Variants in PDHA1 observed in about 807,000 individuals in gnomAD.
PDHA1 encodes pyruvate dehydrogenase E1 component subunit alpha, somatic form, mitochondrial.
PDHA1 carries 1 observed loss-of-function variant against 33.0 expected under a neutral mutation model. That is an observed-to-expected ratio of 0.03 (90% CI 0.01 to 0.14). The LOEUF is 0.14. Ranked by LOEUF, PDHA1 falls within the 10% of genes least tolerant of loss-of-function variation. The pLI is 1.00. For synonymous variants in PDHA1, 123 were observed against 119.2 expected, an observed-to-expected ratio of 1.03 and a Z score of -0.21; for missense variants, 168 against 325.1, an observed-to-expected ratio of 0.52 and a Z score of 3.72.
chrX:19,357,835 C>T (rs2063214383), intron 9 of PDHA1, 116 bp downstream of exon 9: 9 of 590,115 alleles, frequency 1.5e-5, no homozygotes, highest in South Asian at 4.8e-5. Context: ...ACTTCATGTA[C>T]GCAGTTGTGT....
At position 19,357,693 on chromosome X, in the gene PDHA1, A is replaced by T. The variant is rs1248347868; in HGVS notation, c.873A>T (p.Gly291=). The T allele has an allele frequency of 8.3e-7, 1 of 1,208,205 alleles. No individual in the cohort carries two copies. The highest frequency in any genetic ancestry group is 1.1e-6 in the Non-Finnish European group (1 of 893,382). ...LMELQTYRYH[G]HSMSDPGVSY... is the part of the protein sequence containing the mutation. ...AGCTGCAGACTTACCGTTACCACGG[A>T]CACAGTATGAGTGACCCTGGAGTCA... The change falls in exon 9 of 11, where the codon GGA becomes GGT. Residue 291 remains glycine (G), a synonymous_variant. Coordinates refer to ENST00000422285, the MANE Select transcript of PDHA1 (RefSeq NM_000284.4).
chrX:19,354,833 T>C (rs1397513788), intron 6 of PDHA1, among the ~76,000 whole-genome samples: 2 of 112,746 alleles, frequency 1.8e-5, no homozygotes, highest in Admixed American at 9.4e-5. Flanking sequence ...GCAAAGGCCC[T>C]GTGGTAAAGG....
intron 8 of PDHA1, among the ~76,000 whole-genome samples, chrX:19,356,183 G>C (rs1268970584): frequency 8.9e-6 from 1 of 111,812 alleles, no homozygotes; most frequent in Non-Finnish European, 1.9e-5. Flanking sequence ...GTAGAAGCTC[G>C]TAATCTTAGT....
chrX:19,357,179 C>G (rs1250381052), intron 8 of PDHA1, among the ~76,000 whole-genome samples: 1 of 112,308 alleles, frequency 8.9e-6, no homozygotes, highest in Admixed American at 9.4e-5. Context: ...ACACTCACAG[C>G]TCACTGCACC....
chrX:19,359,678 C>T lies in PDHA1; in HGVS notation c.*25C>T. 2 of 1,160,236 alleles carry T rather than the reference C, an allele frequency of 1.7e-6. No individual in the cohort carries two copies. The highest frequency in any genetic ancestry group is 2.4e-6 in the Non-Finnish European group (2 of 849,107). On this transcript the variant is annotated 3_prime_UTR_variant, in exon 11 of 11. Coordinates refer to ENST00000422285, the MANE Select transcript of PDHA1 (RefSeq NM_000284.4). ...AGGGGAGGAGAAGGAGAGGTTATACCTTCAGGGGGCTACCAGACAGTGTTC... is the reference window on the plus strand; with the variant it reads ...AGGGGAGGAGAAGGAGAGGTTATACTTTCAGGGGGCTACCAGACAGTGTTC...
chrX:19,361,458 A>G lies in PDHA1; in HGVS notation c.*1805A>G, dbSNP rs2063286701. Reference sequence around the variant, plus strand: ...TCCTTAAGAGCTGAGCAGCTGTGTAACAACAGCATAAGAATTTCTTTGTTG... The same window carrying G: ...TCCTTAAGAGCTGAGCAGCTGTGTAGCAACAGCATAAGAATTTCTTTGTTG... On this transcript the variant is annotated 3_prime_UTR_variant, in exon 11 of 11. Transcript: ENST00000422285. 1 of 1,190,376 alleles carries G rather than the reference A, an allele frequency of 8.4e-7. No individual in the cohort carries two copies. The highest frequency in any genetic ancestry group is 2.2e-5 in the Admixed American group (1 of 45,832).
In PDHA1 at chrX:19,343,997, G is replaced by C. The variant is rs779608230; in HGVS notation, c.-41G>C. ...TGGGGGCACCCGCGTCGTGCCTCCT[G>C]GGTTGTGAGGAGTCGCCGCTGCCGC... On this transcript the variant is annotated 5_prime_UTR_variant, in exon 1 of 11. Coordinates refer to ENST00000422285, the MANE Select transcript of PDHA1 (RefSeq NM_000284.4). 3.4e-6 allele frequency: 4 copies of C among 1,183,129 alleles called. No homozygotes were observed. In the African/African-American group the frequency reaches 7.0e-5, roughly 21 times the overall value.
intron 4 of PDHA1, among the ~76,000 whole-genome samples, chrX:19,352,136 G>A (rs1331159347): frequency 1.8e-5 from 2 of 110,169 alleles, no homozygotes; most frequent in African/African-American, 6.6e-5. Flanking sequence ...TCGCTTTGTT[G>A]CCCAGGCTGG....
In PDHA1 at chrX:19,355,286, G is replaced by A. The variant is rs772224773; in HGVS notation, c.604-63G>A. On this transcript the variant is annotated intron_variant, in intron 6 of 10. Transcript: ENST00000422285. ...TTCTGTGCCAGGCAGAGCAGCAGCT[G>A]TTAGAGATGATGAAGCCTGGAGAAA... is the stretch of plus-strand genomic sequence containing the variant. 835 of 1,131,879 alleles carry A rather than the reference G, an allele frequency of 7.4e-4. 2 individuals carry two copies. The Middle Eastern group carries it at 0.011, about 15-fold the overall frequency. The allele number at this position is 1,131,879 out of a possible 1,213,427, so 93.3% of individuals were successfully genotyped here.
intron 9 of PDHA1, 129 bp from the exon 10 acceptor site, chrX:19,358,787 T>G (rs1045094814): frequency 5.8e-5 from 30 of 514,011 alleles, no homozygotes; most frequent in Middle Eastern, 4.0e-4. Context: ...TATGCCCCTT[T>G]GTTTCAGAAA....
chrX:19,357,626 C>CTA (rs1789316337), intron 8 of PDHA1, 26 bp from the exon 9 acceptor site: 1 of 1,180,929 alleles, frequency 8.5e-7, no homozygotes, highest in African/African-American at 1.8e-5. Flanking sequence ...TCCTAACTAA[C>CTA]TAACTGCCTA....
intron 4 of PDHA1, among the ~76,000 whole-genome samples, chrX:19,352,374 A>C (rs1001944839): frequency 9.1e-6 from 1 of 109,565 alleles, no homozygotes; most frequent in Non-Finnish European, 1.9e-5. Flanking sequence ...AGCTAGGATT[A>C]TAGGTGCCCA....
At position 19,360,809 on chromosome X, in the gene PDHA1, C is replaced by T; in HGVS notation, c.*1156C>T. ...CCCTTCTGTACTGGGAGACCGCACTCCAGAGTCTGCAGAGGAGACCACCCC... is the reference window on the plus strand; with the variant it reads ...CCCTTCTGTACTGGGAGACCGCACTTCAGAGTCTGCAGAGGAGACCACCCC... On this transcript the variant is annotated 3_prime_UTR_variant, in exon 11 of 11. Coordinates refer to ENST00000422285, the MANE Select transcript of PDHA1 (RefSeq NM_000284.4). 1 of 1,208,528 alleles carries T rather than the reference C, an allele frequency of 8.3e-7. No homozygotes were observed. The highest frequency in any genetic ancestry group is 1.1e-6 in the Non-Finnish European group (1 of 893,971).
At chrX:19,355,900 C>T in intron 8 of PDHA1, 143 bp downstream of exon 8, 1 of 513,250 alleles carries the variant, frequency 1.9e-6, no homozygotes, top group Admixed American at 2.8e-5. Flanking sequence ...AGCAGGGCTC[C>T]TTTGGGTAGC....
chrX:19,352,815 C>T (rs1727273893), intron 4 of PDHA1: 1 of 400,125 alleles, frequency 2.5e-6, no homozygotes, highest in Non-Finnish European at 4.4e-6. Flanking sequence ...GCCAGAAAAC[C>T]CAGAAAAGTC....
At chrX:19,354,972 T>C (rs2063185795) in intron 6 of PDHA1, among the ~76,000 whole-genome samples, 1 of 112,730 alleles carries the variant, frequency 8.9e-6, no homozygotes, top group African/African-American at 3.2e-5. Context: ...TACCGAGTAA[T>C]CCCCAGTCTG....
intron 10 of PDHA1, 112 bp downstream of exon 10, chrX:19,359,136 C>CATAAATAGTTCCATA: frequency 1.9e-6 from 1 of 525,989 alleles, no homozygotes; most frequent in Non-Finnish European, 3.4e-6. Flanking sequence ...TGTCCTGGGA[C>CATAAATAGTTCCATA]ATAAATAGTT....
Position 19,360,819 on chromosome X carries a change from C to T in PDHA1, c.*1166C>T, listed in dbSNP as rs747270244. 5.0e-6 allele frequency: 6 copies of T among 1,201,717 alleles called. No homozygotes were observed. Among genetic ancestry groups the T allele is most frequent in the African/African-American group, 3.5e-5 (2 of 56,780 alleles). On this transcript the variant is annotated 3_prime_UTR_variant, in exon 11 of 11. Transcript: ENST00000422285. ...CTGGGAGACCGCACTCCAGAGTCTG[C>T]AGAGGAGACCACCCCTGGGAAACAA...
intron 5 of PDHA1, among the ~76,000 whole-genome samples, chrX:19,353,784 A>G (rs1264756022): frequency 9.0e-6 from 1 of 111,343 alleles, no homozygotes; most frequent in African/African-American, 3.3e-5. Context: ...TCCTATTTAT[A>G]TTTCAGTACA....
Sources: gnomAD v4.1 joint callset for allele counts (sites outside exome capture counted in the v4.1 genomes callset) on GRCh38, gnomAD v4.1.1 for gene constraint, MANE v1.5 for transcripts, NCBI Gene and HGNC (gene_info 2026-07-23, HGNC 2026-07-21) for gene names.